Variants in HKDC1 observed in about 807,000 individuals in gnomAD.
The protein encoded by HKDC1 is hexokinase HKDC1.
In HKDC1, 66 loss-of-function variants were observed where a neutral mutation model predicts 96.6. That is an observed-to-expected ratio of 0.68 (90% CI 0.56 to 0.84). The LOEUF is 0.84. HKDC1 is among the 40% of genes least tolerant of loss of function. The pLI is 0.00. For synonymous variants in HKDC1, 466 were observed against 473.1 expected, an observed-to-expected ratio of 0.98 and a Z score of 0.20; for missense variants, 1,211 against 1,208.1, an observed-to-expected ratio of 1.00 and a Z score of -0.04.
At chr10:69,221,661 C>T (rs758600897) in intron 1 of HKDC1, among the ~76,000 whole-genome samples, 3 of 152,146 alleles carry the variant, frequency 2.0e-5, no homozygotes, top group East Asian at 1.9e-4. Context: ...CCGTGGCTCA[C>T]GGCTGTAATC....
intron 12 of HKDC1, among the ~76,000 whole-genome samples, chr10:69,252,057 G>A (rs1342281993): frequency 6.6e-6 from 1 of 152,144 alleles, no homozygotes; most frequent in South Asian, 2.1e-4. Context: ...ACTGTGCCTG[G>A]CAAGAAATGC....
rs768788515 is a variant in HKDC1 at position 69,243,293 on chromosome 10, GGGCCCT to G, written c.806_811del (p.Ala269_Leu270del). 8 of 1,613,702 alleles carry G rather than the reference GGGCCCT, an allele frequency of 5.0e-6. No individual in the cohort carries two copies. Among genetic ancestry groups the G allele is most frequent in the Non-Finnish European group, 5.1e-6 (6 of 1,179,854 alleles). The stretch of plus-strand genomic sequence containing the variant: ...GAGTGGGGGGCCTTCGGGGACGACG[GGGCCCT>G]GGAGGACATTCGCACTGAGTTCGAC... On this transcript the variant is annotated inframe_deletion, in exon 7 of 18. Coordinates refer to ENST00000354624, the MANE Select transcript of HKDC1 (RefSeq NM_025130.4).
intron 12 of HKDC1, among the ~76,000 whole-genome samples, chr10:69,251,158 G>A (rs1483176219): frequency 7.0e-6 from 1 of 142,452 alleles, no homozygotes; most frequent in Non-Finnish European, 1.5e-5. Context: ...GCAAGGGCGT[G>A]ATCTCGGCTC....
Position 69,233,022 on chromosome 10 carries a change from A to G in HKDC1, c.384A>G (p.Glu128=). 6.2e-7 allele frequency: 1 copy of G among 1,614,098 alleles called. No individual in the cohort carries two copies. The change falls in exon 4 of 18, where the codon GAA becomes GAG. Residue 128 remains glutamate, a synonymous_variant. Transcript: ENST00000354624. ...CTTTCTCTTCTCTGCAGCTGTTTGA[A>G]TATGTAGCTGACTGTCTGGCAGATT... ...IIRGNGTELF[E]YVADCLADFM...
chr10:69,233,771 G>A (rs921958914), intron 4 of HKDC1, among the ~76,000 whole-genome samples: 4 of 151,976 alleles, frequency 2.6e-5, no homozygotes, highest in Admixed American at 6.6e-5. Flanking sequence ...GGTGCCGGGC[G>A]CCTGTAGTCC....
rs187546610 is a variant in HKDC1, at chr10:69,243,949, A to C, written c.875+584A>C. On this transcript the variant is annotated intron_variant, in intron 7 of 17. Transcript: ENST00000354624. ...CAGTATTTGTGGGTTACGTATGTGCATGATAGGCACTGAAGATAAGAGCAC... is the reference window on the plus strand; with the variant it reads ...CAGTATTTGTGGGTTACGTATGTGCCTGATAGGCACTGAAGATAAGAGCAC... 6.6e-3 allele frequency among the ~76,000 whole-genome samples: 1,006 copies of C among 152,306 alleles called. 6 individuals carry two copies. Among genetic ancestry groups the C allele is most frequent in the Non-Finnish European group, 9.5e-3 (643 of 68,026 alleles).
rs761756731 is a variant in HKDC1 at position 69,227,249 on chromosome 10, C to A, written c.106C>A (p.Leu36Ile). ...LYHMRLSDDTLLDIMRRFRAE... is the reference protein window; with the variant it reads ...LYHMRLSDDTILDIMRRFRAE... ...TCACATGCGGCTCTCCGATGACACCCTTTTGGACATCATGAGGCGGTTCCG... is the reference window on the plus strand; with the variant it reads ...TCACATGCGGCTCTCCGATGACACCATTTTGGACATCATGAGGCGGTTCCG... The change falls in exon 2 of 18, where the codon CTT becomes ATT. Residue 36 changes from leucine to isoleucine, a missense_variant. Transcript: ENST00000354624. 2.1e-5 allele frequency: 34 copies of A among 1,614,050 alleles called. No homozygotes were observed. Among genetic ancestry groups the A allele is most frequent in the African/African-American group, 4.0e-5 (3 of 74,922 alleles).
At position 69,265,684 on chromosome 10, in the gene HKDC1, C is replaced by G; in HGVS notation, c.2472C>G (p.Ala824=). The change falls in exon 17 of 18, where the codon GCC becomes GCG. Residue 824 remains alanine (A), a synonymous_variant. Coordinates refer to ENST00000354624, the MANE Select transcript of HKDC1 (RefSeq NM_025130.4). ...TCGTGGTGAAGGAGGTGTGCGGAGC[C>G]GTGTCCCGGCGGGCGGCCCAGCTCT... The part of the protein sequence containing the change: ...DSIVVKEVCG[A]VSRRAAQLCG... 5 of 1,613,816 alleles carry G rather than the reference C, an allele frequency of 3.1e-6. No individual in the cohort carries two copies. In the Middle Eastern group the frequency reaches 8.3e-4, roughly 266 times the overall value.
chr10:69,263,954 C>G (rs1843850227), intron 16 of HKDC1, among the ~76,000 whole-genome samples: 1 of 152,180 alleles, frequency 6.6e-6, no homozygotes, highest in African/African-American at 2.4e-5. Context: ...GCAGGCAGAT[C>G]ACCTGAGGTC....
chr10:69,255,939 A>C (rs1284667982), intron 12 of HKDC1, among the ~76,000 whole-genome samples: 7 of 151,596 alleles, frequency 4.6e-5, no homozygotes, highest in African/African-American at 7.3e-5. Context: ...AACAAAAAAA[A>C]CCTACTTTCT....
At chr10:69,264,119 T>A (rs1161055261) in intron 16 of HKDC1, among the ~76,000 whole-genome samples, 1 of 151,924 alleles carries the variant, frequency 6.6e-6, no homozygotes. Flanking sequence ...CACTCCAACC[T>A]GGGCAACAAG....
In HKDC1 at chr10:69,247,473, C is replaced by T. The variant is rs758771292; in HGVS notation, c.1145C>T (p.Ser382Leu). ...GTCTGTACCATCGTCTCCTTCCGCTCGGCCAATCTCTGTGCAGCAGCTCTG... is the reference window on the plus strand; with the variant it reads ...GTCTGTACCATCGTCTCCTTCCGCTTGGCCAATCTCTGTGCAGCAGCTCTG... ...QHVCTIVSFR[S>L]ANLCAAALAA... The change falls in exon 9 of 18, where the codon TCG becomes TTG. Residue 382 changes from serine (S) to leucine (L), a missense_variant. By Grantham distance (145) the Ser-to-Leu change is moderately radical (BLOSUM62 -2). Coordinates refer to ENST00000354624, the MANE Select transcript of HKDC1 (RefSeq NM_025130.4). 57 of 1,614,032 alleles carry T rather than the reference C, an allele frequency of 3.5e-5. 1 individual carries two copies. In the Middle Eastern group the frequency reaches 2.5e-3, roughly 70 times the overall value.
chr10:69,253,578 G>A (rs891917230), intron 12 of HKDC1, among the ~76,000 whole-genome samples: 4 of 152,228 alleles, frequency 2.6e-5, no homozygotes, highest in Middle Eastern at 3.2e-3. Flanking sequence ...CCCCATTGGT[G>A]AAAATGGAGG....
chr10:69,263,521 G>C (rs1843842940), intron 16 of HKDC1, among the ~76,000 whole-genome samples: 1 of 152,226 alleles, frequency 6.6e-6, no homozygotes, highest in Non-Finnish European at 1.5e-5. Flanking sequence ...AAATGGATGG[G>C]ACAGTGTTCT....
chr10:69,252,140 A>G (rs1843652336), intron 12 of HKDC1, among the ~76,000 whole-genome samples: 1 of 152,210 alleles, frequency 6.6e-6, no homozygotes, highest in South Asian at 2.1e-4. Context: ...GAAGAACATC[A>G]TAGTTTATCA....
intron 5 of HKDC1, among the ~76,000 whole-genome samples, chr10:69,240,401 C>T (rs1310551113): frequency 6.6e-6 from 1 of 152,036 alleles, no homozygotes; most frequent in African/African-American, 2.4e-5. Flanking sequence ...GTGGCCTGTC[C>T]CTCATATTTC....
chr10:69,238,206 G>A (rs1016438065), intron 4 of HKDC1, among the ~76,000 whole-genome samples: 3 of 152,202 alleles, frequency 2.0e-5, no homozygotes, highest in Admixed American at 2.0e-4. Flanking sequence ...AGGCTCCCAA[G>A]TAGCTGGGAC....
chr10:69,233,662 G>A (rs1843311522), intron 4 of HKDC1, among the ~76,000 whole-genome samples: 1 of 151,180 alleles, frequency 6.6e-6, no homozygotes, highest in African/African-American at 2.4e-5. Context: ...ACTTTGGGAG[G>A]CCGAGGCGGG....
chr10:69,264,195 TTCTGTGTG>T (rs1275707951), intron 16 of HKDC1, among the ~76,000 whole-genome samples: 183 of 112,390 alleles, frequency 1.6e-3, no homozygotes, highest in African/African-American at 5.9e-3. Flanking sequence ...ATAGATTTCC[TTCTGTGTG>T]TGTGTGTGTG....
Sources: allele counts gnomAD v4.1 joint callset (sites outside exome capture counted in the v4.1 genomes callset), GRCh38; gene constraint gnomAD v4.1.1; transcripts MANE v1.5; gene names NCBI Gene and HGNC (gene_info 2026-07-23, HGNC 2026-07-21).